DYRK1A: variants seen among roughly 807,000 people sequenced by gnomAD.
DYRK1A encodes dual specificity tyrosine-phosphorylation-regulated kinase 1A.
In DYRK1A, 9 loss-of-function variants were observed where a neutral mutation model predicts 79.7. The ratio of observed to expected loss-of-function variants is 0.11; its 90% CI spans 0.07 to 0.20. The LOEUF (loss-of-function observed/expected upper bound fraction) is 0.20. Ranked by LOEUF, DYRK1A falls within the 10% of genes least tolerant of loss-of-function variation. The probability of loss-of-function intolerance (pLI) is 1.00; values close to 1 mark genes in which losing one functional copy is unlikely to be tolerated. For synonymous variants in DYRK1A, 349 were observed against 329.7 expected, an observed-to-expected ratio of 1.06 and a Z score of -0.63; for missense variants, 622 against 956.0, an observed-to-expected ratio of 0.65 and a Z score of 4.61.
In DYRK1A at chr21:37,518,504, G is replaced by T. The variant is rs531767224; in HGVS notation, c.*5973G>T. ...ATTTTAGATTCAGAGTTGGGGTGGG[G>T]CCTGGAGCTCTGTTTTCTGAAACTT... On this transcript the variant is annotated 3_prime_UTR_variant, in exon 12 of 12. Coordinates refer to ENST00000647188, the MANE Select transcript of DYRK1A (RefSeq NM_001347721.2). The T allele has an allele frequency of 6.6e-6, 1 of 152,196 alleles. No individual in the cohort carries two copies. The highest frequency in any genetic ancestry group is 1.5e-5 in the Non-Finnish European group (1 of 68,074). The allele number at this position is 152,196 out of a possible 1,614,324, so 9.4% of individuals were successfully genotyped here.
chr21:37,444,042 T>C (rs1411289123), intron 2 of DYRK1A, among the ~76,000 whole-genome samples: 16 of 152,184 alleles, frequency 1.1e-4, no homozygotes, highest in Non-Finnish European at 2.2e-4. Flanking sequence ...CTTAGGGTGT[T>C]ACACACCTCC....
At chr21:37,437,400 T>C (rs1408839407) in intron 2 of DYRK1A, among the ~76,000 whole-genome samples, 2 of 151,972 alleles carry the variant, frequency 1.3e-5, no homozygotes, top group South Asian at 4.2e-4. Context: ...TTTTGTGGAG[T>C]GGAGGGAAGG....
chr21:37,454,365 T>C, intron 2 of DYRK1A, among the ~76,000 whole-genome samples: 1 of 152,086 alleles, frequency 6.6e-6, no homozygotes, highest in Non-Finnish European at 1.5e-5. Context: ...AAGTGCCGGA[T>C]TGTAAGTGTA....
At chr21:37,406,855 C>T (rs1486543412) in intron 1 of DYRK1A, among the ~76,000 whole-genome samples, 1 of 146,040 alleles carries the variant, frequency 6.8e-6, no homozygotes, top group Non-Finnish European at 1.5e-5. Context: ...TTAGTAGTGA[C>T]TTTTACTAGT....
intron 11 of DYRK1A, among the ~76,000 whole-genome samples, chr21:37,510,514 GA>G (rs1379078518): frequency 6.6e-6 from 1 of 152,146 alleles, no homozygotes; most frequent in Non-Finnish European, 1.5e-5. Context: ...CTGTTAAAAA[GA>G]AAATAAGGAT....
intron 1 of DYRK1A, among the ~76,000 whole-genome samples, chr21:37,383,837 A>ATGTGTGTGTGTGTGTGTGTGTGTG (rs112549944): frequency 1.3e-5 from 2 of 148,370 alleles, no homozygotes; most frequent in Non-Finnish European, 3.0e-5. Flanking sequence ...GTAATGGTGT[A>ATGTGTGTGTGTGTGTGTGTGTGTG]TGTGTGTGTG....
At chr21:37,464,161 T>C (rs2051946143) in intron 2 of DYRK1A, 2 of 301,372 alleles carry the variant, frequency 6.6e-6, no homozygotes, top group African/African-American at 4.5e-5. Flanking sequence ...CTTAGGGTCT[T>C]TTCTCATGCT....
rs1221278569 is a variant in DYRK1A at position 37,522,676 on chromosome 21, T to G, written c.*10145T>G. On this transcript the variant is annotated 3_prime_UTR_variant, in exon 12 of 12. Transcript: ENST00000647188. ...AAAACCGTCCATGAATTTGGAGATG[T>G]TGAACAGGTTTCTCTCCGACAATCG... 6.6e-6 allele frequency: 1 copy of G among 152,276 alleles called. No individual in the cohort carries two copies. The highest frequency in any genetic ancestry group is 1.5e-5 in the Non-Finnish European group (1 of 68,060). 9.4% of individuals were successfully genotyped at this position (152,276 alleles called of 1,614,324 possible).
At chr21:37,436,107 G>A (rs768095020) in intron 2 of DYRK1A, among the ~76,000 whole-genome samples, 3 of 152,182 alleles carry the variant, frequency 2.0e-5, no homozygotes, top group African/African-American at 4.8e-5. Context: ...TTATCTGGAA[G>A]GGTATAGGGG....
Position 37,501,166 on chromosome 21 carries a change from G to GTTTTTTTTTTTTTT in DYRK1A, c.1213-4107_1213-4094dup, listed in dbSNP as rs34646709. Among the ~76,000 whole-genome samples the GTTTTTTTTTTTTTT allele has an allele frequency of 1.4e-3, 127 of 93,972 alleles. 12 individuals carry two copies. The highest frequency in any genetic ancestry group is 5.6e-3 in the African/African-American group (119 of 21,358). 61.6% of individuals were successfully genotyped at this position (93,972 alleles called of 152,430 possible). On this transcript the variant is annotated intron_variant, in intron 9 of 11. Transcript: ENST00000647188. ...TTATATGTTTTTTTTGTTGTTGTTG[G>GTTTTTTTTTTTTTT]TTTTTTTTTTTTTTTTTTTTTTTAA...
chr21:37,418,717 A>G (rs939708079), intron 1 of DYRK1A, among the ~76,000 whole-genome samples: 4 of 152,240 alleles, frequency 2.6e-5, no homozygotes, highest in African/African-American at 9.6e-5. Context: ...ATTTTTACAA[A>G]TAAAACTATT....
chr21:37,449,301 G>A (rs1051021040), intron 2 of DYRK1A, among the ~76,000 whole-genome samples: 1 of 152,170 alleles, frequency 6.6e-6, no homozygotes, highest in Non-Finnish European at 1.5e-5. Context: ...GTTTAAATCA[G>A]TAGAATTTCT....
In DYRK1A at chr21:37,420,868, C is replaced by T. The variant is rs147985886; in HGVS notation, c.10+484C>T. On this transcript the variant is annotated intron_variant, in intron 2 of 11. Transcript: ENST00000647188. ...TATTTTTTCCTTGTTCCCAATATCC[C>T]TGCCTCCCATTTCCTTTCTTCCCAC... Among the ~76,000 whole-genome samples, 1,466 of 152,162 alleles carry T rather than the reference C, an allele frequency of 9.6e-3. 20 individuals are homozygous for T. Among genetic ancestry groups the T allele is most frequent in the African/African-American group, 0.032 (1,340 of 41,526 alleles).
chr21:37,474,238 C>T (rs543281153), intron 3 of DYRK1A, among the ~76,000 whole-genome samples: 34 of 152,234 alleles, frequency 2.2e-4, no homozygotes, highest in African/African-American at 7.5e-4. Context: ...TCATTTTTAT[C>T]ATTATATTAT....
intron 2 of DYRK1A, among the ~76,000 whole-genome samples, chr21:37,451,416 A>G (rs71332584): frequency 0.056 from 6,972 of 123,614 alleles, 216 homozygotes; most frequent in Middle Eastern, 0.17. Context: ...TGCAAGCTCC[A>G]TTCCTGTAAA....
chr21:37,459,678 G>C (rs1012277708), intron 2 of DYRK1A, among the ~76,000 whole-genome samples: 1 of 152,162 alleles, frequency 6.6e-6, no homozygotes, highest in East Asian at 1.9e-4. Flanking sequence ...GTAACGTTCT[G>C]TTTTCGTATT....
chr21:37,370,372 C>T (rs1042645196), intron 1 of DYRK1A, among the ~76,000 whole-genome samples: 1 of 150,930 alleles, frequency 6.6e-6, no homozygotes, highest in African/African-American at 2.4e-5. Context: ...TGACAAGTAT[C>T]TAGTTATGAG....
chr21:37,390,146 G>A (rs1288438574), intron 1 of DYRK1A, among the ~76,000 whole-genome samples: 1 of 151,998 alleles, frequency 6.6e-6, no homozygotes, highest in Non-Finnish European at 1.5e-5. Flanking sequence ...CTTGATACCT[G>A]TCAGTACCAA....
At chr21:37,410,401 G>T (rs2148413332) in intron 1 of DYRK1A, among the ~76,000 whole-genome samples, 1 of 152,316 alleles carries the variant, frequency 6.6e-6, no homozygotes, top group African/African-American at 2.4e-5. Flanking sequence ...GGAAGCTATT[G>T]AAATAGTTTA....
Sources: gnomAD v4.1 joint callset for allele counts (sites outside exome capture counted in the v4.1 genomes callset) on GRCh38, gnomAD v4.1.1 for gene constraint, MANE v1.5 for transcripts, NCBI Gene and HGNC (gene_info 2026-07-23, HGNC 2026-07-21) for gene names.